The following ELOB variants were observed in gnomAD, a reference collection of about 807,000 sequenced individuals.
The protein encoded by ELOB is elongin B, also known as elongin-B.
A neutral mutation model predicts 12.9 loss-of-function variants in ELOB; 3 were observed. The ratio of observed to expected loss-of-function variants is 0.23; its 90% CI spans 0.11 to 0.60. The LOEUF (loss-of-function observed/expected upper bound fraction) is 0.60, where lower values mean the gene tolerates loss of function less well. Among genes scored for constraint, ELOB ranks in the 20% least tolerant of loss-of-function variants. The pLI is 0.89. For missense variants in ELOB, 126 were observed against 159.2 expected (o/e 0.79, Z 1.12); for synonymous variants, 84 against 67.4 (o/e 1.25, Z -1.21).
In ELOB at chr16:2,771,588, G is replaced by C; in HGVS notation, c.*402C>G. The C allele has an allele frequency of 6.2e-7, 1 of 1,614,176 alleles. No homozygotes were observed. The highest frequency in any genetic ancestry group is 8.5e-7 in the Non-Finnish European group (1 of 1,180,028). On this transcript the variant is annotated 3_prime_UTR_variant, in exon 4 of 4. Coordinates refer to ENST00000409906, the MANE Select transcript of ELOB (RefSeq NM_007108.4). ...GTGTTTCTGCTCTTGGCCATCGTCT[G>C]GGAGTGGACATGCAGGCTATGGGGG...
At chr16:2,772,309 T>TGAAGGTCCCCAGCCC in intron 3 of ELOB, 1 of 476,422 alleles carries the variant, frequency 2.1e-6, no homozygotes, top group South Asian at 3.8e-5. Flanking sequence ...GGGCCCAACC[T>TGAAGGTCCCCAGCCC]GAAGGTCCCC....
chr16:2,776,359 A>T (rs1329809782), intron 2 of ELOB, among the ~76,000 whole-genome samples: 4 of 152,166 alleles, frequency 2.6e-5, no homozygotes, highest in Non-Finnish European at 2.9e-5. Flanking sequence ...ACAACCTCAC[A>T]ATGTTGGGAG....
chr16:2,777,224 C>T lies in ELOB; in HGVS notation c.3+13G>A, dbSNP rs1043146163. Reference sequence around the variant, plus strand: ...CGGCCCGGCCCGGCCGCCCCTCCCCCACGCCCGCTCACCATCGCGGCTGCT... The same window carrying T: ...CGGCCCGGCCCGGCCGCCCCTCCCCTACGCCCGCTCACCATCGCGGCTGCT... On this transcript the variant is annotated intron_variant, in intron 1 of 3. Coordinates refer to ENST00000409906, the MANE Select transcript of ELOB (RefSeq NM_007108.4). 5.4e-5 allele frequency: 55 copies of T among 1,013,788 alleles called. No individual in the cohort carries two copies. Among genetic ancestry groups the T allele is most frequent in the South Asian group, 8.2e-5 (2 of 24,510 alleles). The allele number at this position is 1,013,788 out of a possible 1,614,324, so 62.8% of individuals were successfully genotyped here.
Position 2,771,616 on chromosome 16 carries a change from G to T in ELOB, c.*374C>A. ...AGTGGACATGCAGGCTATGGGGGTGGGGGGCACTTAGAAGGAGAAAGGCCT... is the reference window on the plus strand; with the variant it reads ...AGTGGACATGCAGGCTATGGGGGTGTGGGGCACTTAGAAGGAGAAAGGCCT... On this transcript the variant is annotated 3_prime_UTR_variant, in exon 4 of 4. Transcript: ENST00000409906. The T allele has an allele frequency of 6.2e-7, 1 of 1,614,034 alleles. No individual in the cohort carries two copies. Among genetic ancestry groups the T allele is most frequent in the Admixed American group, 1.7e-5 (1 of 60,022 alleles).
chr16:2,773,746 C>G (rs571300092), intron 3 of ELOB, among the ~76,000 whole-genome samples: 20 of 152,316 alleles, frequency 1.3e-4, no homozygotes, highest in Non-Finnish European at 2.8e-4. Flanking sequence ...GGGAGAAAAA[C>G]AAGTCACCTT....
At chr16:2,772,375 T>C in intron 3 of ELOB, 3 of 268,934 alleles carry the variant, frequency 1.1e-5, no homozygotes, top group Admixed American at 1.0e-4. Flanking sequence ...TGTCCACTAG[T>C]GAGTCTGAGG....
rs2068805833 is a variant in ELOB at position 2,777,083 on chromosome 16, C to T, written c.48G>A (p.Thr16=). 2 of 1,598,684 alleles carry T rather than the reference C, an allele frequency of 1.3e-6. No homozygotes were observed. Among genetic ancestry groups the T allele is most frequent in the African/African-American group, 2.7e-5 (2 of 72,760 alleles). ...ACACCGTGCTGGACTCCTTGGCGTC[C>T]GTGAAGATGGTGGTCTTGTGGCGCC... The part of the protein sequence containing the change: ...MIRRHKTTIF[T]DAKESSTVFE... The change falls in exon 2 of 4, where the codon ACG becomes ACA. Residue 16 remains threonine, a synonymous_variant. Transcript: ENST00000409906.
rs888487609 is a variant in ELOB at position 2,771,665 on chromosome 16, A to G, written c.*325T>C. The stretch of plus-strand genomic sequence containing the variant: ...CTAAAACTGGAATCTCTTGTCCCTG[A>G]GGCTGGCTCTGGTCTTTGTGTCTCT... On this transcript the variant is annotated 3_prime_UTR_variant, in exon 4 of 4. Transcript: ENST00000409906. The G allele has an allele frequency of 6.2e-7, 1 of 1,609,170 alleles. No individual in the cohort carries two copies. Among genetic ancestry groups the G allele is most frequent in the African/African-American group, 1.3e-5 (1 of 74,942 alleles).
intron 2 of ELOB, 46 bp from the exon 3 acceptor site, chr16:2,775,602 G>T (rs1440672985): frequency 1.1e-5 from 16 of 1,514,222 alleles, no homozygotes; most frequent in African/African-American, 1.4e-5. Context: ...CATGGGGCAA[G>T]TCCCAAAGAC....
intron 2 of ELOB, among the ~76,000 whole-genome samples, chr16:2,776,695 C>A (rs907066699): frequency 1.3e-5 from 2 of 152,230 alleles, no homozygotes; most frequent in African/African-American, 4.8e-5. Flanking sequence ...GGTTAAGCGA[C>A]CAAGCCGAAC....
Position 2,775,516 on chromosome 16 carries a change from C to T in ELOB, c.179G>A (p.Cys60Tyr). 6.2e-7 allele frequency: 1 copy of T among 1,609,346 alleles called. No individual in the cohort carries two copies. The highest frequency in any genetic ancestry group is 2.2e-5 in the East Asian group (1 of 44,836). ...LLDDGKTLGE[C>Y]GFTSQTARPQ... ...CCGTGCTGTTTGACTGGTGAAGCCA[C>T]ACTCGCCCAGTGTCTTGCCATCATC... The change falls in exon 3 of 4, where the codon TGT becomes TAT. Residue 60 changes from cysteine to tyrosine, a missense_variant. Cys to Tyr is a radical substitution (Grantham distance 194, BLOSUM62 -2). Transcript: ENST00000409906.
chr16:2,776,933 G>C, intron 2 of ELOB, 60 bp downstream of exon 2: 8 of 1,519,502 alleles, frequency 5.3e-6, no homozygotes, highest in Non-Finnish European at 7.1e-6. Flanking sequence ...GACAGCGTAG[G>C]CGTCAGCCCC....
chr16:2,772,239 G>A (rs886870591), intron 3 of ELOB, 137 bp from the exon 4 acceptor site: 52 of 1,055,736 alleles, frequency 4.9e-5, no homozygotes, highest in Non-Finnish European at 6.6e-5. Flanking sequence ...AGTCTCCACA[G>A]CGCTGACCTC....
chr16:2,771,487 TG>T lies in ELOB; in HGVS notation c.*502del. The T allele has an allele frequency of 6.2e-7, 1 of 1,614,168 alleles. No homozygotes were observed. The highest frequency in any genetic ancestry group is 1.7e-5 in the Admixed American group (1 of 60,016). On this transcript the variant is annotated 3_prime_UTR_variant, in exon 4 of 4. Coordinates refer to ENST00000409906, the MANE Select transcript of ELOB (RefSeq NM_007108.4). ...CCCTCCGTGATTACAGCCCCCAGCG[TG>T]GGTGGACCTGTGTGGGTCCGTCTTG...
intron 3 of ELOB, among the ~76,000 whole-genome samples, chr16:2,773,635 C>T (rs2068782331): frequency 6.6e-6 from 1 of 152,126 alleles, no homozygotes; most frequent in Non-Finnish European, 1.5e-5. Flanking sequence ...AGCTGACAGC[C>T]CATGCTGTGC....
intron 3 of ELOB, 44 bp downstream of exon 3, chr16:2,775,407 C>G: frequency 6.9e-7 from 1 of 1,457,732 alleles, no homozygotes; most frequent in South Asian, 1.2e-5. Context: ...GTGTTCCCAA[C>G]CTGCTTGGCT....
intron 2 of ELOB, among the ~76,000 whole-genome samples, chr16:2,775,878 G>A (rs2150785214): frequency 1.3e-5 from 2 of 152,256 alleles, no homozygotes; most frequent in East Asian, 3.9e-4. Context: ...CTAGGCATTT[G>A]AACATTTTTT....
rs562276891 is a variant in ELOB at position 2,771,651 on chromosome 16, A to C, written c.*339T>G. 1.9e-5 allele frequency: 31 copies of C among 1,611,972 alleles called. No homozygotes were observed. The East Asian group carries it at 6.5e-4, about 34-fold the overall frequency. The stretch of plus-strand genomic sequence containing the variant: ...AGAAGGAGAAAGGCCTAAAACTGGA[A>C]TCTCTTGTCCCTGAGGCTGGCTCTG... On this transcript the variant is annotated 3_prime_UTR_variant, in exon 4 of 4. Transcript: ENST00000409906.
At chr16:2,774,634 T>C (rs2068788635) in intron 3 of ELOB, among the ~76,000 whole-genome samples, 1 of 152,248 alleles carries the variant, frequency 6.6e-6, no homozygotes, top group Non-Finnish European at 1.5e-5. Context: ...TACAACTTTA[T>C]CCAAGTTTTC....
Sources: allele counts gnomAD v4.1 joint callset (sites outside exome capture counted in the v4.1 genomes callset), GRCh38; gene constraint gnomAD v4.1.1; transcripts MANE v1.5; gene names NCBI Gene and HGNC (gene_info 2026-07-23, HGNC 2026-07-21).